COG5: variants seen among roughly 807,000 people sequenced by gnomAD.
The protein encoded by COG5 is conserved oligomeric Golgi complex subunit 5.
In COG5, 86 loss-of-function variants were observed where a neutral mutation model predicts 110.4. The observed-to-expected ratio is 0.78, with a 90% confidence interval of 0.65 to 0.93. The LOEUF is 0.93. COG5 is among the 40% of genes least tolerant of loss of function. The pLI, the probability that COG5 is intolerant of heterozygous loss-of-function variation, is 0.00. For missense variants in COG5, 1,077 were observed against 987.0 expected (o/e 1.09, Z -1.22); for synonymous variants, 360 against 334.6 (o/e 1.08, Z -0.83).
intron 11 of COG5, among the ~76,000 whole-genome samples, chr7:107,302,269 A>T (rs1313178802): frequency 3.3e-5 from 5 of 152,222 alleles, no homozygotes; most frequent in Non-Finnish European, 5.9e-5. Flanking sequence ...AACAAATAAG[A>T]ATATATAATA....
chr7:107,248,039 G>C (rs1454512652), intron 17 of COG5, among the ~76,000 whole-genome samples: 3 of 152,022 alleles, frequency 2.0e-5, no homozygotes, highest in Admixed American at 2.0e-4. Flanking sequence ...TGAGAAGTAA[G>C]GAAAAAGACA....
Position 107,207,089 on chromosome 7 carries a change from T to A in COG5, c.2375+3437A>T, listed in dbSNP as rs1389307585. Among the ~76,000 whole-genome samples the A allele has an allele frequency of 2.0e-5, 3 of 152,206 alleles. No individual in the cohort carries two copies. In the East Asian group the frequency reaches 5.8e-4, roughly 29 times the overall value. Reference sequence around the variant, plus strand: ...GTGGAAGTTTTCATGGAAAACAACATTGATTTTTGTCAGGCATTTAAATAT... The same window carrying A: ...GTGGAAGTTTTCATGGAAAACAACAATGATTTTTGTCAGGCATTTAAATAT... On this transcript the variant is annotated intron_variant, in intron 21 of 21. Transcript: ENST00000297135.
intron 6 of COG5, among the ~76,000 whole-genome samples, chr7:107,483,221 G>C (rs986286461): frequency 6.6e-6 from 1 of 152,026 alleles, no homozygotes; most frequent in South Asian, 2.1e-4. Context: ...ATGGTATTAC[G>C]GAAACACTAC....
At chr7:107,324,190 A>T (rs1455801549) in intron 11 of COG5, among the ~76,000 whole-genome samples, 2 of 152,162 alleles carry the variant, frequency 1.3e-5, no homozygotes, top group African/African-American at 4.8e-5. Flanking sequence ...TCTGAATAAT[A>T]AGATATTGAC....
intron 6 of COG5, among the ~76,000 whole-genome samples, chr7:107,463,187 T>G (rs1304574286): frequency 6.6e-6 from 1 of 152,188 alleles, no homozygotes; most frequent in Non-Finnish European, 1.5e-5. Context: ...AGAAATAAGC[T>G]TTTCCCCAAA....
At chr7:107,327,778 C>T (rs2129029152) in intron 10 of COG5, among the ~76,000 whole-genome samples, 1 of 152,176 alleles carries the variant, frequency 6.6e-6, no homozygotes, top group South Asian at 2.1e-4. Context: ...AGGATGGCTA[C>T]TATAAAAAAC....
intron 10 of COG5, among the ~76,000 whole-genome samples, chr7:107,338,874 A>C (rs951908004): frequency 2.6e-5 from 4 of 152,258 alleles, no homozygotes; most frequent in South Asian, 2.1e-4. Flanking sequence ...TCCTTAAGGG[A>C]GTTCTAACCA....
At chr7:107,450,034 A>C (rs1427449238) in intron 6 of COG5, 1 of 152,254 alleles carries the variant, frequency 6.6e-6, no homozygotes, top group African/African-American at 2.4e-5. Context: ...GTGTGGCTTT[A>C]AAAATATCAA....
intron 6 of COG5, chr7:107,471,456 G>C (rs530829298): frequency 1.3e-5 from 2 of 151,938 alleles, no homozygotes; most frequent in Non-Finnish European, 2.9e-5. Flanking sequence ...TCTGAACTAC[G>C]AACTGCAAGA....
intron 1 of COG5, among the ~76,000 whole-genome samples, chr7:107,559,132 T>C (rs1803575254): frequency 6.6e-6 from 1 of 152,194 alleles, no homozygotes; most frequent in Admixed American, 6.5e-5. Flanking sequence ...TATAAATTTA[T>C]AGGTGTTACT....
chr7:107,487,256 T>C (rs6954309), intron 6 of COG5, among the ~76,000 whole-genome samples: 9,996 of 152,120 alleles, frequency 0.066, 751 homozygotes, highest in African/African-American at 0.18. Flanking sequence ...AACTCATCAA[T>C]GAAAAAGAAT....
intron 6 of COG5, among the ~76,000 whole-genome samples, chr7:107,421,021 A>C (rs1793250125): frequency 1.3e-5 from 2 of 152,288 alleles, no homozygotes; most frequent in South Asian, 4.2e-4. Context: ...TCCTTTCCTA[A>C]GTCTCACTCT....
intron 21 of COG5, 24 bp from the exon 22 acceptor site, chr7:107,203,654 G>A (rs1798528094): frequency 2.9e-6 from 4 of 1,398,952 alleles, no homozygotes; most frequent in Non-Finnish European, 4.1e-6. Flanking sequence ...TGAAAACAAT[G>A]TCAAAATATT....
intron 21 of COG5, 128 bp from the exon 22 acceptor site, chr7:107,203,758 C>CA: frequency 1.5e-6 from 1 of 681,482 alleles, no homozygotes; most frequent in Non-Finnish European, 2.6e-6. Flanking sequence ...TTTCACAAGC[C>CA]AAGTGACCAA....
intron 6 of COG5, among the ~76,000 whole-genome samples, chr7:107,507,284 T>C (rs1348178823): frequency 6.7e-6 from 1 of 148,474 alleles, no homozygotes; most frequent in Non-Finnish European, 1.5e-5. Context: ...GAAATAAAAC[T>C]TCCTTTTCTT....
chr7:107,271,150 G>C (rs10259693), intron 14 of COG5, among the ~76,000 whole-genome samples: 4 of 152,154 alleles, frequency 2.6e-5, no homozygotes, highest in Non-Finnish European at 4.4e-5. Flanking sequence ...GGGAGGCTGA[G>C]GCAGAAAGAT....
chr7:107,210,196 G>C (rs760223756), intron 21 of COG5: 142 of 1,164,008 alleles, frequency 1.2e-4, no homozygotes, highest in Non-Finnish European at 1.5e-4. Context: ...ACATAAAAAT[G>C]AAGTAAAAGA....
Position 107,455,755 on chromosome 7 carries a change from T to C in COG5, c.539-43123A>G, listed in dbSNP as rs74761755. Among the ~76,000 whole-genome samples the C allele has an allele frequency of 4.6e-3, 696 of 152,236 alleles. 18 individuals carry two copies. The highest frequency in any genetic ancestry group is 2.1e-3 in the East Asian group (11 of 5,174). On this transcript the variant is annotated intron_variant, in intron 6 of 21. Coordinates refer to ENST00000297135, the MANE Select transcript of COG5 (RefSeq NM_006348.5). ...TTTTCCTCCAACAACAAAAAAATTA[T>C]GGAAGCATTTATGAAAGAAAACTGT...
chr7:107,318,952 T>C (rs574891896), intron 11 of COG5, among the ~76,000 whole-genome samples: 44 of 152,346 alleles, frequency 2.9e-4, no homozygotes, highest in African/African-American at 1.0e-3. Flanking sequence ...CCTTCCTCTC[T>C]TGGCTCTGAA....
Sources: gnomAD v4.1 joint callset for allele counts (sites outside exome capture counted in the v4.1 genomes callset) on GRCh38, gnomAD v4.1.1 for gene constraint, MANE v1.5 for transcripts, NCBI Gene and HGNC (gene_info 2026-07-23, HGNC 2026-07-21) for gene names.